Variants in FSTL5 observed in about 807,000 individuals in gnomAD.
The protein encoded by FSTL5 is follistatin-related protein 5.
FSTL5 carries 62 observed loss-of-function variants against 89.1 expected under a neutral mutation model. The observed-to-expected ratio is 0.70, with a 90% CI of 0.57 to 0.86. FSTL5 has a LOEUF of 0.86. FSTL5 is among the 40% of genes least tolerant of loss of function. The pLI, the probability that FSTL5 is intolerant of heterozygous loss-of-function variation, is 0.00. For missense variants in FSTL5, 1,057 were observed against 1,001.6 expected, an observed-to-expected ratio of 1.06 and a Z score of -0.75; for synonymous variants, 383 against 346.2, an observed-to-expected ratio of 1.11 and a Z score of -1.18.
At chr4:161,708,152 T>C (rs1738646641) in intron 6 of FSTL5, among the ~76,000 whole-genome samples, 1 of 152,032 alleles carries the variant, frequency 6.6e-6, no homozygotes. Flanking sequence ...AAGAGGCAAA[T>C]AAAACATTGT....
intron 1 of FSTL5, among the ~76,000 whole-genome samples, chr4:162,125,925 C>T (rs1732061369): frequency 6.6e-6 from 1 of 151,788 alleles, no homozygotes; most frequent in Admixed American, 6.6e-5. Context: ...TTCTTTCATA[C>T]TTTATATTGG....
rs1426693957 is a variant in FSTL5 at position 162,149,764 on chromosome 4, T to C, written c.-17+13851A>G. Among the ~76,000 whole-genome samples, 5 of 152,194 alleles carry C rather than the reference T, an allele frequency of 3.3e-5. No homozygotes were observed. In the East Asian group the frequency reaches 9.6e-4, roughly 29 times the overall value. On this transcript the variant is annotated intron_variant, in intron 1 of 15. Transcript: ENST00000306100. The stretch of plus-strand genomic sequence containing the variant: ...ATATAAGCACACACATATAGCGTGC[T>C]TCTGAAAAATATTTTTGTTCCTGGT...
chr4:161,865,867 A>G (rs1732069010), intron 4 of FSTL5, among the ~76,000 whole-genome samples: 1 of 152,214 alleles, frequency 6.6e-6, no homozygotes, highest in African/African-American at 2.4e-5. Context: ...TTACAAGAAT[A>G]TTTAGTGGAC....
chr4:161,568,497 G>A (rs578166878), intron 8 of FSTL5, among the ~76,000 whole-genome samples: 1 of 152,252 alleles, frequency 6.6e-6, no homozygotes, highest in East Asian at 1.9e-4. Flanking sequence ...TGGGTCTTAA[G>A]CTTTACTAAA....
At chr4:161,504,839 C>T (rs11100373) in intron 11 of FSTL5, among the ~76,000 whole-genome samples, 150,840 of 152,084 alleles carry the variant, frequency 0.99, 74,813 homozygotes, top group Middle Eastern at 1. Flanking sequence ...GTTATACTAC[C>T]TATTATATAC....
intron 6 of FSTL5, among the ~76,000 whole-genome samples, chr4:161,729,375 G>C (rs1041467903): frequency 1.3e-5 from 2 of 152,072 alleles, no homozygotes; most frequent in Non-Finnish European, 2.9e-5. Flanking sequence ...AAGTGTGCGA[G>C]ACCAAAATGC....
intron 3 of FSTL5, among the ~76,000 whole-genome samples, chr4:162,001,953 A>G (rs1451644539): frequency 6.6e-6 from 1 of 152,178 alleles, no homozygotes; most frequent in African/African-American, 2.4e-5. Flanking sequence ...CCTAAATAAT[A>G]TAAGGTTGCA....
intron 15 of FSTL5, among the ~76,000 whole-genome samples, chr4:161,416,844 CAA>C (rs532290897): frequency 8.4e-5 from 6 of 71,044 alleles, no homozygotes; most frequent in Non-Finnish European, 8.6e-5. Context: ...GACTCCATCT[CAA>C]AAAAAAAAAA....
intron 6 of FSTL5, among the ~76,000 whole-genome samples, chr4:161,695,198 C>A (rs1372198557): frequency 6.6e-6 from 1 of 151,976 alleles, no homozygotes; most frequent in Non-Finnish European, 1.5e-5. Context: ...GTCTTTCATC[C>A]CACACTCCCT....
intron 13 of FSTL5, among the ~76,000 whole-genome samples, chr4:161,464,385 A>G (rs933868237): frequency 4.6e-5 from 7 of 151,956 alleles, no homozygotes; most frequent in Non-Finnish European, 1.0e-4. Context: ...CTCATAATTC[A>G]CTTTCTCAGC....
intron 5 of FSTL5, among the ~76,000 whole-genome samples, chr4:161,768,769 A>C (rs1741106829): frequency 6.6e-6 from 1 of 151,898 alleles, no homozygotes; most frequent in South Asian, 2.1e-4. Context: ...AAGAATCTTA[A>C]AGAACTTAAT....
intron 10 of FSTL5, among the ~76,000 whole-genome samples, chr4:161,524,411 G>A (rs986504087): frequency 2.0e-5 from 3 of 152,006 alleles, no homozygotes; most frequent in Non-Finnish European, 4.4e-5. Flanking sequence ...CCTCCTGAGG[G>A]CTGTGTCACA....
intron 6 of FSTL5, among the ~76,000 whole-genome samples, chr4:161,758,164 T>G (rs962387549): frequency 2.6e-5 from 4 of 152,164 alleles, no homozygotes; most frequent in African/African-American, 7.2e-5. Context: ...TTAATAAAAA[T>G]TATCATGCAG....
intron 4 of FSTL5, among the ~76,000 whole-genome samples, chr4:161,852,813 G>C (rs777861675): frequency 6.6e-6 from 1 of 152,122 alleles, no homozygotes; most frequent in Non-Finnish European, 1.5e-5. Flanking sequence ...CCTTTGCAGG[G>C]ACATGGATGG....
chr4:162,146,011 A>AT (rs1732968585), intron 1 of FSTL5, among the ~76,000 whole-genome samples: 1 of 152,190 alleles, frequency 6.6e-6, no homozygotes, highest in African/African-American at 2.4e-5. Context: ...GACTAAAACT[A>AT]TTTCACAGTT....
intron 7 of FSTL5, among the ~76,000 whole-genome samples, chr4:161,597,122 T>C (rs1734042954): frequency 6.6e-6 from 1 of 152,128 alleles, no homozygotes. Context: ...ATGTCCTGAA[T>C]GGTATTGCCT....
chr4:161,944,659 A>G (rs919845772), intron 3 of FSTL5, among the ~76,000 whole-genome samples: 3 of 151,830 alleles, frequency 2.0e-5, no homozygotes, highest in Non-Finnish European at 4.4e-5. Context: ...TTTTAAACTC[A>G]ATATCTTTAT....
At chr4:161,852,521 A>G (rs540802425) in intron 4 of FSTL5, among the ~76,000 whole-genome samples, 1 of 152,144 alleles carries the variant, frequency 6.6e-6, no homozygotes. Context: ...TGGGAGTGCA[A>G]ATTAGTTCAA....
chr4:161,870,303 C>CT (rs1732221690), intron 4 of FSTL5, among the ~76,000 whole-genome samples: 1 of 151,726 alleles, frequency 6.6e-6, no homozygotes, highest in Admixed American at 6.6e-5. Context: ...AAGAATTTTC[C>CT]TTTTTTCATC....
Sources: gnomAD v4.1 joint callset for allele counts (sites outside exome capture counted in the v4.1 genomes callset) on GRCh38, gnomAD v4.1.1 for gene constraint, MANE v1.5 for transcripts, NCBI Gene and HGNC (gene_info 2026-07-23, HGNC 2026-07-21) for gene names.